Variants in CDH20 observed in about 807,000 individuals in gnomAD.
The protein encoded by CDH20 is cadherin-20.
Under a neutral mutation model 74.2 loss-of-function variants are expected in CDH20, and 29 were observed. The observed-to-expected ratio is 0.39, with a 90% CI of 0.29 to 0.53. CDH20 has a LOEUF of 0.53. Ranked by LOEUF, CDH20 falls within the 20% of genes least tolerant of loss-of-function variation. CDH20 has a pLI of 0.69. For synonymous variants in CDH20, 469 were observed against 405.4 expected (o/e 1.16, Z -1.88); for missense variants, 988 against 1,048.3 (o/e 0.94, Z 0.79).
intron 5 of CDH20, 133 bp from the exon 6 acceptor site, chr18:61,507,240 T>G (rs1196780354): frequency 1.3e-6 from 1 of 778,806 alleles, no homozygotes; most frequent in African/African-American, 1.8e-5. Context: ...AGTTTTTATC[T>G]GTAAAAACTC....
rs1910383133 is a variant in CDH20, at chr18:61,353,595, TTTG to T, written c.-153+19771_-153+19773del. ...ACAGTGCTTTGCACATATTTTAGTG[TTTG>T]TTAAGATTTTGTTCAGTTAAATTTA... On this transcript the variant is annotated intron_variant, in intron 1 of 11. Transcript: ENST00000262717. The surrounding 1 kb of genome is among the most constrained non-coding windows in gnomAD (Gnocchi z 4.6). Among the ~76,000 whole-genome samples the T allele has an allele frequency of 6.6e-6, 1 of 152,198 alleles. No individual in the cohort carries two copies. Among genetic ancestry groups the T allele is most frequent in the Non-Finnish European group, 1.5e-5 (1 of 68,038 alleles).
chr18:61,532,201 T>C (rs9783862), intron 7 of CDH20, among the ~76,000 whole-genome samples: 71,390 of 151,908 alleles, frequency 0.47, 17,216 homozygotes, highest in Non-Finnish European at 0.54. Flanking sequence ...AGGATCATAA[T>C]TGTGCCTACC....
intron 1 of CDH20, among the ~76,000 whole-genome samples, chr18:61,448,520 C>G (rs967851676): frequency 6.6e-6 from 1 of 152,164 alleles, no homozygotes; most frequent in African/African-American, 2.4e-5. Context: ...TCAGGAAGTG[C>G]GACTGTGGCA....
intron 2 of CDH20, among the ~76,000 whole-genome samples, chr18:61,491,587 A>C (rs1430468919): frequency 6.6e-6 from 1 of 152,170 alleles, no homozygotes; most frequent in Non-Finnish European, 1.5e-5. Context: ...GGAACTTTGG[A>C]CAGGTCACCA....
Position 61,545,077 on chromosome 18 carries a change from G to A in CDH20, c.1581G>A (p.Gln527=). ...AVDQDDPRNG[Q]HFYYSLAPEA... is the part of the protein sequence containing the mutation. ...ACCAAGATGACCCACGCAATGGTCA[G>A]CATTTCTACTACAGCTTGGCTCCTG... Residue 527 remains glutamine, a synonymous_variant, in exon 10 of 12, where the codon CAG becomes CAA. Coordinates refer to ENST00000262717, the MANE Select transcript of CDH20 (RefSeq NM_031891.4). 2 of 1,614,030 alleles carry A rather than the reference G, an allele frequency of 1.2e-6. No individual in the cohort carries two copies. The highest frequency in any genetic ancestry group is 2.2e-5 in the East Asian group (1 of 44,858).
intron 7 of CDH20, among the ~76,000 whole-genome samples, chr18:61,530,268 G>A (rs183056668): frequency 3.9e-5 from 6 of 152,156 alleles, no homozygotes; most frequent in African/African-American, 1.4e-4. Flanking sequence ...GACTCTCAGA[G>A]GGAAAAGCAC....
intron 1 of CDH20, among the ~76,000 whole-genome samples, chr18:61,463,029 G>T (rs1909839310): frequency 6.6e-6 from 1 of 152,142 alleles, no homozygotes; most frequent in Non-Finnish European, 1.5e-5. Flanking sequence ...ACAACTTCTT[G>T]TTATTGCAAT....
intron 1 of CDH20, among the ~76,000 whole-genome samples, chr18:61,350,687 C>T (rs1277955374): frequency 2.6e-5 from 4 of 152,150 alleles, no homozygotes; most frequent in African/African-American, 4.8e-5. Context: ...TCTTGCTCAC[C>T]TCATAGTTCA....
intron 8 of CDH20, 90 bp from the exon 9 acceptor site, chr18:61,538,933 TA>T: frequency 6.7e-7 from 1 of 1,482,454 alleles, no homozygotes; most frequent in Non-Finnish European, 9.3e-7. Flanking sequence ...CGCCCAGTCG[TA>T]AATACCGACT....
chr18:61,549,382 G>C (rs1031684848), intron 10 of CDH20, among the ~76,000 whole-genome samples: 6 of 152,256 alleles, frequency 3.9e-5, no homozygotes, highest in African/African-American at 1.4e-4. Flanking sequence ...ATAACAAGGT[G>C]TGTCATATGA....
At chr18:61,502,273 C>A (rs2144321345) in intron 4 of CDH20, among the ~76,000 whole-genome samples, 1 of 152,236 alleles carries the variant, frequency 6.6e-6, no homozygotes, top group South Asian at 2.1e-4. Flanking sequence ...GAAACCGTAT[C>A]TGCTGCTTGC....
chr18:61,446,677 T>C (rs1199370889), intron 1 of CDH20, among the ~76,000 whole-genome samples: 4 of 152,140 alleles, frequency 2.6e-5, no homozygotes, highest in African/African-American at 4.8e-5. Context: ...TCCCCCTAAT[T>C]ACCTTTTCTC....
intron 1 of CDH20, among the ~76,000 whole-genome samples, chr18:61,439,705 A>G (rs766402154): frequency 2.6e-5 from 4 of 152,122 alleles, no homozygotes; most frequent in Non-Finnish European, 4.4e-5. Context: ...AGAGTAGAAG[A>G]AATATATTCC....
chr18:61,456,975 G>T (rs1192951189), intron 1 of CDH20, among the ~76,000 whole-genome samples: 2 of 152,158 alleles, frequency 1.3e-5, no homozygotes, highest in African/African-American at 4.8e-5. Context: ...ACCTCCCAAA[G>T]GCCCCACCTT....
intron 7 of CDH20, among the ~76,000 whole-genome samples, 163 bp downstream of exon 7, chr18:61,528,383 A>C (rs1912519642): frequency 6.7e-6 from 1 of 148,428 alleles, no homozygotes; most frequent in Admixed American, 6.7e-5. Context: ...CCCTTAAATA[A>C]CATGGCCTTG....
At chr18:61,367,520 G>T (rs574367719) in intron 1 of CDH20, among the ~76,000 whole-genome samples, 4 of 152,252 alleles carry the variant, frequency 2.6e-5, no homozygotes, top group Middle Eastern at 3.4e-3. Flanking sequence ...ATTTCTGGAG[G>T]TCCTGTGGGA....
chr18:61,503,271 C>T, intron 5 of CDH20, 151 bp downstream of exon 5: 1 of 575,616 alleles, frequency 1.7e-6, no homozygotes, highest in Non-Finnish European at 2.9e-6. Flanking sequence ...TCTCGCATAA[C>T]TATTTGCCTT....
rs146367072 is a variant in CDH20, at chr18:61,392,376, A to C, written c.-153+58549A>C. Among the ~76,000 whole-genome samples, 220 of 152,232 alleles carry C rather than the reference A, an allele frequency of 1.4e-3. 2 individuals are homozygous for C. The highest frequency in any genetic ancestry group is 5.1e-3 in the African/African-American group (211 of 41,558). On this transcript the variant is annotated intron_variant, in intron 1 of 11. Coordinates refer to ENST00000262717, the MANE Select transcript of CDH20 (RefSeq NM_031891.4). ...AATCAGCTCCCTTTTATATACAATCAGTATCTGCAGATGCAGAAGCTGTGG... is the reference window on the plus strand; with the variant it reads ...AATCAGCTCCCTTTTATATACAATCCGTATCTGCAGATGCAGAAGCTGTGG...
chr18:61,505,713 C>A (rs1911538559), intron 5 of CDH20, among the ~76,000 whole-genome samples: 1 of 152,112 alleles, frequency 6.6e-6, no homozygotes, highest in Non-Finnish European at 1.5e-5. Context: ...TTAATGGAGA[C>A]TCCAGGATAG....
Sources: gnomAD v4.1 joint callset for allele counts (sites outside exome capture counted in the v4.1 genomes callset) on GRCh38, gnomAD v4.1.1 for gene constraint, Gnocchi (gnomAD v3.1) non-coding constraint, MANE v1.5 for transcripts, NCBI Gene and HGNC (gene_info 2026-07-23, HGNC 2026-07-21) for gene names.